MYH10: variants seen among roughly 807,000 people sequenced by gnomAD.
The protein encoded by MYH10 is myosin-10.
MYH10 carries 55 observed loss-of-function variants against 257.8 expected under a neutral mutation model. The observed-to-expected ratio is 0.21, with a 90% confidence interval of 0.17 to 0.27. MYH10 has a LOEUF of 0.27. MYH10 is among the 10% of genes least tolerant of loss of function. MYH10 has a pLI of 1.00. For missense variants in MYH10, 1,631 were observed against 2,500.6 expected (o/e 0.65, Z 7.42); for synonymous variants, 854 against 921.7 (o/e 0.93, Z 1.33).
At chr17:8,555,777 A>C (rs923295362) in intron 7 of MYH10, among the ~76,000 whole-genome samples, 1 of 152,238 alleles carries the variant, frequency 6.6e-6, no homozygotes, top group African/African-American at 2.4e-5. Context: ...CATAAAATTA[A>C]AAACTGGTAA....
intron 16 of MYH10, among the ~76,000 whole-genome samples, chr17:8,533,306 C>T (rs2151928769): frequency 6.6e-6 from 1 of 152,320 alleles, no homozygotes; most frequent in East Asian, 1.9e-4. Context: ...CATGAGGACT[C>T]TCCAGTCTAG....
Position 8,608,282 on chromosome 17 carries a change from G to A in MYH10, c.346-3300C>T, listed in dbSNP as rs1352976810. ...ACATTGAAGGGGCAAAAGGTGAGAA[G>A]CAGGAAGACACGTGGAGACTGCTCA... On this transcript the variant is annotated intron_variant, in intron 2 of 42. Transcript: ENST00000360416. Among the ~76,000 whole-genome samples the A allele has an allele frequency of 7.3e-4, 111 of 152,278 alleles. 1 individual carries two copies. The highest frequency in any genetic ancestry group is 2.0e-4 in the Admixed American group (3 of 15,304).
At position 8,475,861 on chromosome 17, in the gene MYH10, A is replaced by G. The variant is rs1912491706; in HGVS notation, c.5967T>C (p.Asp1989=). ...CATCACTGGTCTTACTTTCTGTGTC[A>G]TCGTCGGAGAGCTCCAGGGAAGCTC... ...LEGASLELSD[D]DTESKTSDVN... Residue 1989 remains aspartate (D), a synonymous_variant, in exon 43 of 43, where the codon GAT becomes GAC. Transcript: ENST00000360416. 2 of 1,614,050 alleles carry G rather than the reference A, an allele frequency of 1.2e-6. No homozygotes were observed. Among genetic ancestry groups the G allele is most frequent in the Non-Finnish European group, 1.7e-6 (2 of 1,180,024 alleles).
Position 8,626,851 on chromosome 17 carries a change from G to A in MYH10, c.-31-3574C>T, listed in dbSNP as rs540745189. On this transcript the variant is annotated intron_variant, in intron 1 of 42. Coordinates refer to ENST00000360416, the MANE Select transcript of MYH10 (RefSeq NM_001256012.3). ...AAACTGTCTTGCTGTCAGTAGACAC[G>A]CACACACTTCTTAAATTTTACACTG... is the stretch of plus-strand genomic sequence containing the variant. 4.7e-4 allele frequency among the ~76,000 whole-genome samples: 71 copies of A among 152,094 alleles called. 1 individual carries two copies. The highest frequency in any genetic ancestry group is 1.7e-3 in the African/African-American group (69 of 41,522).
At chr17:8,491,123 T>C (rs1247361759) in intron 34 of MYH10, among the ~76,000 whole-genome samples, 1 of 152,218 alleles carries the variant, frequency 6.6e-6, no homozygotes, top group African/African-American at 2.4e-5. Context: ...CCTGTGCCCT[T>C]TGACCCTCAC....
intron 3 of MYH10, among the ~76,000 whole-genome samples, chr17:8,602,773 C>CT (rs892368103): frequency 5.3e-5 from 8 of 152,154 alleles, no homozygotes; most frequent in African/African-American, 1.9e-4. Context: ...ACTATATACA[C>CT]TTTGTTGGTC....
At position 8,480,772 on chromosome 17, in the gene MYH10, C is replaced by T. The variant is rs7224411; in HGVS notation, c.5265-247G>A. The T allele has an allele frequency of 3.4e-3, 1,915 of 556,734 alleles. 36 individuals carry two copies. The highest frequency in any genetic ancestry group is 0.032 in the African/African-American group (1,672 of 52,964). 34.5% of individuals were successfully genotyped at this position (556,734 alleles called of 1,614,324 possible). On this transcript the variant is annotated intron_variant, in intron 38 of 42. Coordinates refer to ENST00000360416, the MANE Select transcript of MYH10 (RefSeq NM_001256012.3). ...TCACCTGGACTGCTGGGTGGCCTCCCGCTGCCCTGCCTGCCTCTCTCCAGC... is the reference window on the plus strand; with the variant it reads ...TCACCTGGACTGCTGGGTGGCCTCCTGCTGCCCTGCCTGCCTCTCTCCAGC...
intron 11 of MYH10, 63 bp from the exon 12 acceptor site, chr17:8,546,725 C>T (rs1236501630): frequency 1.7e-6 from 2 of 1,183,104 alleles, no homozygotes; most frequent in Non-Finnish European, 2.5e-6. Flanking sequence ...ACAATATATT[C>T]AATAAACACT....
At chr17:8,534,841 A>G (rs370411937) in intron 16 of MYH10, among the ~76,000 whole-genome samples, 3 of 152,250 alleles carry the variant, frequency 2.0e-5, no homozygotes, top group East Asian at 1.9e-4. Flanking sequence ...TACTAGTAAA[A>G]TCTTCTAGTC....
chr17:8,496,318 A>C (rs942766910), intron 30 of MYH10, among the ~76,000 whole-genome samples: 5 of 152,216 alleles, frequency 3.3e-5, no homozygotes, highest in Non-Finnish European at 5.9e-5. Context: ...TAACGCTTCC[A>C]TGGTCACTCT....
intron 2 of MYH10, among the ~76,000 whole-genome samples, chr17:8,611,332 C>T (rs1258133912): frequency 3.9e-5 from 6 of 152,196 alleles, no homozygotes; most frequent in Non-Finnish European, 8.8e-5. Context: ...TTAATGCCAG[C>T]CAGAGTCTCA....
chr17:8,569,048 A>G lies in MYH10; in HGVS notation c.756+672T>C, dbSNP rs537715895. 2.1e-5 allele frequency among the ~76,000 whole-genome samples: 3 copies of G among 146,010 alleles called. No individual in the cohort carries two copies. Among genetic ancestry groups the G allele is most frequent in the Non-Finnish European group, 4.6e-5 (3 of 65,662 alleles). ...CAACATAGTGAGACCCTAGTCTCTA[A>G]AAAAAAAAAAGTTACTCTTTTAAAT... On this transcript the variant is annotated intron_variant, in intron 7 of 42. Coordinates refer to ENST00000360416, the MANE Select transcript of MYH10 (RefSeq NM_001256012.3). The surrounding 1 kb of genome is among the most constrained non-coding windows in gnomAD (Gnocchi z 4.1).
At chr17:8,521,319 C>T in intron 17 of MYH10, 34 bp from the exon 18 acceptor site, 3 of 1,595,920 alleles carry the variant, frequency 1.9e-6, no homozygotes, top group Non-Finnish European at 2.6e-6. Context: ...AAATATAAGC[C>T]AAACCTCACT....
intron 24 of MYH10, among the ~76,000 whole-genome samples, chr17:8,512,199 C>G (rs1328516614): frequency 6.6e-6 from 1 of 152,224 alleles, no homozygotes; most frequent in Non-Finnish European, 1.5e-5. Flanking sequence ...GACTGTGAAT[C>G]TCTTTGCAAA....
chr17:8,474,530 A>C lies in MYH10; in HGVS notation c.*1274T>G, dbSNP rs1035145586. 2 of 152,692 alleles carry C rather than the reference A, an allele frequency of 1.3e-5. No individual in the cohort carries two copies. Among genetic ancestry groups the C allele is most frequent in the Non-Finnish European group, 2.9e-5 (2 of 68,046 alleles). 9.5% of individuals were successfully genotyped at this position (152,692 alleles called of 1,614,324 possible). A position where few individuals can be genotyped will look rare whatever the true frequency, so the allele number is the denominator to read the frequency against. ...GCAGAGGATCAAGGATTTAGAATTA[A>C]CACTGATTCATTGTCACTGAATGTC... On this transcript the variant is annotated 3_prime_UTR_variant, in exon 43 of 43. Transcript: ENST00000360416.
intron 30 of MYH10, among the ~76,000 whole-genome samples, chr17:8,498,283 G>A (rs1307385871): frequency 6.6e-6 from 1 of 151,940 alleles, no homozygotes; most frequent in Admixed American, 6.6e-5. Flanking sequence ...ACCACGCCCG[G>A]CCCCATACTA....
At chr17:8,491,582 G>C (rs1052376362) in intron 34 of MYH10, among the ~76,000 whole-genome samples, 7 of 152,162 alleles carry the variant, frequency 4.6e-5, no homozygotes, top group Non-Finnish European at 8.8e-5. Context: ...TCATGAAATT[G>C]GGCAAGTATA....
At position 8,572,259 on chromosome 17, in the gene MYH10, AGT is replaced by A. The variant is rs1398242975; in HGVS notation, c.664-2449_664-2448del. 2.3e-3 allele frequency among the ~76,000 whole-genome samples: 342 copies of A among 147,814 alleles called. 2 individuals carry two copies. Among genetic ancestry groups the A allele is most frequent in the East Asian group, 7.9e-3 (39 of 4,924 alleles). ...GTGTGTGTGTGTGTGTGTGTGTGTG[AGT>A]GAGAGAGAGAGAGAGAGAGAGAGAG... On this transcript the variant is annotated intron_variant, in intron 6 of 42. Coordinates refer to ENST00000360416, the MANE Select transcript of MYH10 (RefSeq NM_001256012.3).
intron 28 of MYH10, among the ~76,000 whole-genome samples, chr17:8,503,461 T>A (rs2151850886): frequency 6.6e-6 from 1 of 152,074 alleles, no homozygotes; most frequent in East Asian, 1.9e-4. Context: ...ATGGCAAACA[T>A]TCCAAGGCTC....
Sources: allele counts gnomAD v4.1 joint callset (sites outside exome capture counted in the v4.1 genomes callset), GRCh38; gene constraint gnomAD v4.1.1; non-coding constraint Gnocchi (gnomAD v3.1); transcripts MANE v1.5; gene names NCBI Gene and HGNC (gene_info 2026-07-23, HGNC 2026-07-21).